The following AKT3 variants were observed in gnomAD, a reference collection of about 807,000 sequenced individuals.
The protein encoded by AKT3 is RAC-gamma serine/threonine-protein kinase.
AKT3 carries 15 observed loss-of-function variants against 65.3 expected under a neutral mutation model. That is an observed-to-expected ratio of 0.23 (90% CI 0.15 to 0.35). The LOEUF is 0.35. Ranked by LOEUF, AKT3 falls within the 10% of genes least tolerant of loss-of-function variation. The pLI, the probability that AKT3 is intolerant of heterozygous loss-of-function variation, is 1.00. For missense variants in AKT3, 243 were observed against 576.5 expected (o/e 0.42, Z 5.92); for synonymous variants, 206 against 183.8 (o/e 1.12, Z -0.98).
chr1:243,713,384 G>C (rs1297398242), intron 2 of AKT3, among the ~76,000 whole-genome samples: 1 of 151,998 alleles, frequency 6.6e-6, no homozygotes, highest in Non-Finnish European at 1.5e-5. Context: ...AAGGGAGGGG[G>C]GATGCAGGAA....
intron 4 of AKT3, among the ~76,000 whole-genome samples, chr1:243,655,165 C>G (rs902689035): frequency 6.6e-6 from 1 of 151,928 alleles, no homozygotes; most frequent in East Asian, 1.9e-4. Context: ...ACGTTCTGTT[C>G]TGACGTATTT....
At chr1:243,758,722 G>A (rs180745705) in intron 2 of AKT3, among the ~76,000 whole-genome samples, 1 of 152,132 alleles carries the variant, frequency 6.6e-6, no homozygotes, top group African/African-American at 2.4e-5. Flanking sequence ...TAGATCCCTC[G>A]CATGCAGAGT....
chr1:243,595,880 G>A (rs889994724), intron 8 of AKT3, among the ~76,000 whole-genome samples: 2 of 152,008 alleles, frequency 1.3e-5, no homozygotes, highest in African/African-American at 2.4e-5. Flanking sequence ...ACAATGAAAA[G>A]TACAATATAT....
chr1:243,739,474 A>C (rs1189649244), intron 2 of AKT3: 7 of 152,354 alleles, frequency 4.6e-5, no homozygotes, highest in African/African-American at 1.7e-4. Context: ...TAAATTTTTA[A>C]ATCAAAATTA....
At chr1:243,561,575 T>G (rs1673779608) in intron 10 of AKT3, among the ~76,000 whole-genome samples, 1 of 152,334 alleles carries the variant, frequency 6.6e-6, no homozygotes, top group Admixed American at 6.5e-5. Context: ...TCAAAGATTA[T>G]TCCAAATGTT....
chr1:243,705,361 G>C (rs554922434), intron 2 of AKT3, among the ~76,000 whole-genome samples: 1 of 152,152 alleles, frequency 6.6e-6, no homozygotes, highest in East Asian at 1.9e-4. Flanking sequence ...TGGTTGGTTT[G>C]TTAGTACTTT....
intron 3 of AKT3, among the ~76,000 whole-genome samples, chr1:243,676,711 G>A (rs1683547055): frequency 6.6e-6 from 1 of 151,944 alleles, no homozygotes; most frequent in Non-Finnish European, 1.5e-5. Context: ...TCTCTGGCTC[G>A]TCCTTCTCTT....
rs1475722046 is a variant in AKT3, at chr1:243,502,115, T to C, written c.*3134A>G. ...CCAATTTAGAGGTTTTCTTTTTATT[T>C]AAATAAATACTTTACATTTCATGCT... On this transcript the variant is annotated 3_prime_UTR_variant, in exon 14 of 14. Transcript: ENST00000673466. 4.3e-6 allele frequency: 1 copy of C among 232,056 alleles called. No individual in the cohort carries two copies. Among genetic ancestry groups the C allele is most frequent in the East Asian group, 6.1e-5 (1 of 16,344 alleles). 14.4% of individuals were successfully genotyped at this position (232,056 alleles called of 1,614,324 possible).
chr1:243,688,096 C>T (rs1304177355), intron 3 of AKT3, among the ~76,000 whole-genome samples: 4 of 151,368 alleles, frequency 2.6e-5, no homozygotes, highest in Admixed American at 1.3e-4. Flanking sequence ...CACATGTACC[C>T]GAAAATATGT....
At chr1:243,655,529 C>T (rs748076221) in intron 4 of AKT3, among the ~76,000 whole-genome samples, 2 of 152,002 alleles carry the variant, frequency 1.3e-5, no homozygotes, top group Non-Finnish European at 2.9e-5. Flanking sequence ...GGACACAACA[C>T]ATGAAAACTG....
chr1:243,549,862 C>A (rs563300251), intron 11 of AKT3, among the ~76,000 whole-genome samples: 2 of 152,290 alleles, frequency 1.3e-5, no homozygotes, highest in East Asian at 3.9e-4. Flanking sequence ...TAAGCAGTAT[C>A]TCACCCTCTT....
intron 3 of AKT3, among the ~76,000 whole-genome samples, chr1:243,689,026 G>T (rs893002307): frequency 6.6e-6 from 1 of 152,088 alleles, no homozygotes; most frequent in Non-Finnish European, 1.5e-5. Context: ...TAAATTCTCA[G>T]TCAACCTCGC....
chr1:243,548,022 G>A (rs1672794822), intron 11 of AKT3: 2 of 152,236 alleles, frequency 1.3e-5, no homozygotes, highest in Admixed American at 6.5e-5. Context: ...TTTCAGTTGT[G>A]TAGGTTTCTT....
intron 3 of AKT3, among the ~76,000 whole-genome samples, chr1:243,674,090 A>G (rs1377871372): frequency 1.3e-5 from 2 of 152,216 alleles, no homozygotes; most frequent in Non-Finnish European, 2.9e-5. Context: ...AAATAAACAG[A>G]ATGACTAACA....
At chr1:243,594,869 C>T (rs2148559832) in intron 8 of AKT3, among the ~76,000 whole-genome samples, 1 of 152,258 alleles carries the variant, frequency 6.6e-6, no homozygotes, top group South Asian at 2.1e-4. Context: ...TATAAGCCCC[C>T]ATGTCTGACT....
At chr1:243,673,017 T>C (rs1683254240) in intron 3 of AKT3, among the ~76,000 whole-genome samples, 1 of 152,220 alleles carries the variant, frequency 6.6e-6, no homozygotes. Flanking sequence ...AAACATCTAG[T>C]GGACTCAAGG....
intron 3 of AKT3, among the ~76,000 whole-genome samples, chr1:243,676,812 C>A (rs899218142): frequency 6.6e-6 from 1 of 152,220 alleles, no homozygotes; most frequent in Non-Finnish European, 1.5e-5. Context: ...ACTGCTGACA[C>A]CCAACCCGGG....
chr1:243,593,149 C>T (rs1312137969), intron 8 of AKT3, among the ~76,000 whole-genome samples: 1 of 152,124 alleles, frequency 6.6e-6, no homozygotes, highest in African/African-American at 2.4e-5. Flanking sequence ...CCAGAAAATA[C>T]GAGAACAGTT....
At chr1:243,603,900 T>TC (rs1278954034) in intron 8 of AKT3, among the ~76,000 whole-genome samples, 1 of 150,994 alleles carries the variant, frequency 6.6e-6, no homozygotes, top group African/African-American at 2.4e-5. Flanking sequence ...TAATCTTTTT[T>TC]TTTTTTTTTT....
Sources: allele counts gnomAD v4.1 joint callset (sites outside exome capture counted in the v4.1 genomes callset), GRCh38; gene constraint gnomAD v4.1.1; transcripts MANE v1.5; gene names NCBI Gene and HGNC (gene_info 2026-07-23, HGNC 2026-07-21).